The following PCSK2 variants were observed in gnomAD, a reference collection of about 807,000 sequenced individuals.
PCSK2 encodes neuroendocrine convertase 2.
In PCSK2, 14 loss-of-function variants were observed where a neutral mutation model predicts 69.7. The ratio of observed to expected loss-of-function variants is 0.20; its 90% CI spans 0.13 to 0.31. The LOEUF (loss-of-function observed/expected upper bound fraction) is 0.31, where lower values mean the gene tolerates loss of function less well. Ranked by LOEUF, PCSK2 falls within the 10% of genes least tolerant of loss-of-function variation. PCSK2 has a pLI of 1.00. For missense variants in PCSK2, 544 were observed against 842.5 expected, an observed-to-expected ratio of 0.65 and a Z score of 4.39; for synonymous variants, 307 against 320.7, an observed-to-expected ratio of 0.96 and a Z score of 0.46.
At chr20:17,322,401 G>T (rs1331102664) in intron 2 of PCSK2, among the ~76,000 whole-genome samples, 1 of 152,130 alleles carries the variant, frequency 6.6e-6, no homozygotes, top group African/African-American at 2.4e-5. Flanking sequence ...AAAATTCATA[G>T]GTTGAAGGCC....
intron 2 of PCSK2, among the ~76,000 whole-genome samples, chr20:17,291,043 G>A (rs1007670159): frequency 4.0e-5 from 6 of 151,774 alleles, no homozygotes; most frequent in African/African-American, 1.5e-4. Flanking sequence ...TTGTTACAGT[G>A]GCAATTAAAT....
At chr20:17,390,740 A>G (rs758213245) in intron 5 of PCSK2, among the ~76,000 whole-genome samples, 7 of 152,182 alleles carry the variant, frequency 4.6e-5, no homozygotes, top group African/African-American at 1.2e-4. Flanking sequence ...CTCATCATCA[A>G]AAAGATTCAA....
chr20:17,466,352 T>C (rs1240389321), intron 11 of PCSK2, among the ~76,000 whole-genome samples: 1 of 152,248 alleles, frequency 6.6e-6, no homozygotes, highest in East Asian at 1.9e-4. Context: ...CAGTCATGTT[T>C]AATGTGTACT....
chr20:17,304,912 T>G (rs993189248), intron 2 of PCSK2, among the ~76,000 whole-genome samples: 1 of 152,210 alleles, frequency 6.6e-6, no homozygotes, highest in African/African-American at 2.4e-5. Flanking sequence ...GTGTTTTATT[T>G]TGTTTTGTTT....
intron 2 of PCSK2, among the ~76,000 whole-genome samples, chr20:17,355,904 G>A (rs117410826): frequency 1.3e-5 from 2 of 152,124 alleles, no homozygotes; most frequent in African/African-American, 4.8e-5. Context: ...GAGTACAGGG[G>A]AATCAAGGAT....
At chr20:17,417,066 C>A (rs1030509179) in intron 6 of PCSK2, among the ~76,000 whole-genome samples, 6 of 152,050 alleles carry the variant, frequency 3.9e-5, no homozygotes, top group African/African-American at 1.4e-4. Flanking sequence ...GGAGAAATAC[C>A]TCATGTAAAT....
At chr20:17,381,648 G>A (rs1023377571) in intron 5 of PCSK2, among the ~76,000 whole-genome samples, 1 of 152,138 alleles carries the variant, frequency 6.6e-6, no homozygotes, top group African/African-American at 2.4e-5. Flanking sequence ...TATTCATATG[G>A]CTGATATGAA....
intron 5 of PCSK2, among the ~76,000 whole-genome samples, chr20:17,394,693 A>G (rs1454237032): frequency 6.6e-6 from 1 of 152,226 alleles, no homozygotes; most frequent in Non-Finnish European, 1.5e-5. Flanking sequence ...GTGTCCCATA[A>G]TTCACCTGCT....
At chr20:17,435,355 T>C (rs980192572) in intron 7 of PCSK2, among the ~76,000 whole-genome samples, 6 of 152,150 alleles carry the variant, frequency 3.9e-5, no homozygotes, top group Non-Finnish European at 5.9e-5. Flanking sequence ...TGGTGGTATA[T>C]GAAACACGCA....
chr20:17,456,221 A>G lies in PCSK2; in HGVS notation c.1102-127A>G, dbSNP rs760952605. ...ATGCCACTGCACTCCAGCCTGGGCA[A>G]CAGAGTGAGGCTGTCTCAATAAATA... is the stretch of plus-strand genomic sequence containing the variant. On this transcript the variant is annotated intron_variant, in intron 9 of 11. Coordinates refer to ENST00000262545, the MANE Select transcript of PCSK2 (RefSeq NM_002594.5). 9.4e-6 allele frequency: 6 copies of G among 635,380 alleles called. No homozygotes were observed. In the East Asian group the frequency reaches 1.3e-4, roughly 14 times the overall value. The allele number at this position is 635,380 out of a possible 1,614,324, so 39.4% of individuals were successfully genotyped here. A position where few individuals can be genotyped will look rare whatever the true frequency, so the allele number is the denominator to read the frequency against.
At chr20:17,285,731 G>C (rs1053722808) in intron 2 of PCSK2, among the ~76,000 whole-genome samples, 1 of 152,158 alleles carries the variant, frequency 6.6e-6, no homozygotes, top group Non-Finnish European at 1.5e-5. Context: ...TCTGGCCTTG[G>C]CAATCATGAG....
At chr20:17,278,065 A>G (rs1298599052) in intron 2 of PCSK2, among the ~76,000 whole-genome samples, 1 of 152,152 alleles carries the variant, frequency 6.6e-6, no homozygotes, top group Non-Finnish European at 1.5e-5. Context: ...AAAAGTCAGG[A>G]AACAACAGGT....
At chr20:17,452,434 T>C (rs2269023) in intron 8 of PCSK2, among the ~76,000 whole-genome samples, 87,791 of 152,064 alleles carry the variant, frequency 0.58, 25,638 homozygotes, top group South Asian at 0.71. Context: ...CTGTTAGAAG[T>C]GATTGAAAAT....
chr20:17,444,724 T>C (rs1369185041), intron 8 of PCSK2, among the ~76,000 whole-genome samples: 3 of 152,196 alleles, frequency 2.0e-5, no homozygotes, highest in Non-Finnish European at 2.9e-5. Flanking sequence ...GTTAAGGGTA[T>C]GTTATCCTGC....
intron 9 of PCSK2, among the ~76,000 whole-genome samples, chr20:17,454,293 T>C (rs1023893234): frequency 3.3e-5 from 5 of 152,204 alleles, no homozygotes; most frequent in African/African-American, 9.7e-5. Context: ...AACTAACTCA[T>C]TGTAAGAACC....
At chr20:17,436,608 A>C (rs2032488723) in intron 7 of PCSK2, 100 bp from the exon 8 acceptor site, 1 of 1,010,816 alleles carries the variant, frequency 9.9e-7, no homozygotes, top group East Asian at 2.4e-5. Flanking sequence ...TGAGATCTCC[A>C]ACCATTCCAA....
At chr20:17,407,524 A>G (rs1397997504) in intron 5 of PCSK2, among the ~76,000 whole-genome samples, 1 of 152,240 alleles carries the variant, frequency 6.6e-6, no homozygotes, top group African/African-American at 2.4e-5. Flanking sequence ...TTCAGAGGTT[A>G]GGAGAACAGA....
chr20:17,441,647 G>A (rs2032597655), intron 8 of PCSK2, among the ~76,000 whole-genome samples: 1 of 152,094 alleles, frequency 6.6e-6, no homozygotes, highest in African/African-American at 2.4e-5. Context: ...GAGAGCTTCT[G>A]TAGGGAAACT....
intron 5 of PCSK2, among the ~76,000 whole-genome samples, chr20:17,402,114 C>T (rs914059444): frequency 3.9e-5 from 6 of 152,174 alleles, no homozygotes; most frequent in East Asian, 1.9e-4. Flanking sequence ...GTGTCTGCCT[C>T]GGCTGTTACT....
Sources: allele counts gnomAD v4.1 joint callset (sites outside exome capture counted in the v4.1 genomes callset), GRCh38; gene constraint gnomAD v4.1.1; transcripts MANE v1.5; gene names NCBI Gene and HGNC (gene_info 2026-07-23, HGNC 2026-07-21).